EVL: variants seen among roughly 807,000 people sequenced by gnomAD.
EVL encodes ena/VASP-like protein.
EVL carries 21 observed loss-of-function variants against 59.6 expected under a neutral mutation model. That is an observed-to-expected ratio of 0.35 (90% CI 0.25 to 0.51). The LOEUF is 0.51. Ranked by LOEUF, EVL falls within the 20% of genes least tolerant of loss-of-function variation. EVL has a pLI of 0.97. For synonymous variants in EVL, 198 were observed against 203.5 expected (o/e 0.97, Z 0.23); for missense variants, 462 against 546.6 (o/e 0.85, Z 1.54).
intron 4 of EVL, 76 bp from the exon 5 acceptor site, chr14:100,126,631 G>T: frequency 6.6e-7 from 1 of 1,508,238 alleles, no homozygotes; most frequent in Non-Finnish European, 9.1e-7. Flanking sequence ...CGGGGCCGGC[G>T]GGTACAGCAC....
At chr14:100,088,497 G>T (rs1199256495) in intron 2 of EVL, among the ~76,000 whole-genome samples, 1 of 152,134 alleles carries the variant, frequency 6.6e-6, no homozygotes, top group African/African-American at 2.4e-5. Context: ...TAGGCTGTAT[G>T]GTATAGCCTG....
chr14:100,038,755 G>T (rs574789607), intron 1 of EVL, among the ~76,000 whole-genome samples: 105 of 132,096 alleles, frequency 7.9e-4, no homozygotes, highest in African/African-American at 2.7e-3. Context: ...TTAGTACCCT[G>T]TGTGCTGTGC....
intron 5 of EVL, among the ~76,000 whole-genome samples, chr14:100,128,125 G>A (rs1888197099): frequency 6.6e-6 from 1 of 152,188 alleles, no homozygotes; most frequent in African/African-American, 2.4e-5. Context: ...GTTGGATCTT[G>A]GTGACCAACT....
intron 1 of EVL, among the ~76,000 whole-genome samples, chr14:100,013,267 A>G (rs893200226): frequency 5.3e-5 from 8 of 152,224 alleles, no homozygotes; most frequent in African/African-American, 1.9e-4. Flanking sequence ...AAAAATGGTT[A>G]TTGATTGTGA....
chr14:100,047,657 C>G (rs1047829436), intron 1 of EVL, among the ~76,000 whole-genome samples: 3 of 152,150 alleles, frequency 2.0e-5, no homozygotes, highest in Non-Finnish European at 4.4e-5. Context: ...CTAAATATTT[C>G]ATTTGTGTAG....
chr14:100,137,420 A>G (rs934391707), intron 9 of EVL, 158 bp from the exon 10 acceptor site: 1 of 690,550 alleles, frequency 1.4e-6, no homozygotes, highest in African/African-American at 1.8e-5. Flanking sequence ...ACTGAGAACA[A>G]GGTGCCAGGT....
At chr14:100,006,649 G>A (rs2060984003) in intron 1 of EVL, among the ~76,000 whole-genome samples, 1 of 151,906 alleles carries the variant, frequency 6.6e-6, no homozygotes, top group African/African-American at 2.4e-5. Flanking sequence ...CCTATGGATG[G>A]GTCTCAGTCT....
At chr14:100,135,390 AATCAGTGG>A (rs1888715758) in intron 8 of EVL, 1 of 153,196 alleles carries the variant, frequency 6.5e-6, no homozygotes. Flanking sequence ...CTTATTACTT[AATCAGTGG>A]CATGTTCCTG....
intron 1 of EVL, among the ~76,000 whole-genome samples, chr14:100,004,622 GA>G (rs2060966993): frequency 6.6e-6 from 1 of 151,936 alleles, no homozygotes; most frequent in African/African-American, 2.4e-5. Context: ...TGGACTTCCC[GA>G]ATGTCCCTCT....
chr14:100,086,016 C>T (rs1385601172), intron 2 of EVL, among the ~76,000 whole-genome samples: 1 of 152,094 alleles, frequency 6.6e-6, no homozygotes, highest in Non-Finnish European at 1.5e-5. Flanking sequence ...GTAGTCCCAG[C>T]TACTTGTGAG....
intron 1 of EVL, among the ~76,000 whole-genome samples, chr14:100,015,223 C>T (rs1014697754): frequency 6.6e-6 from 1 of 152,204 alleles, no homozygotes; most frequent in African/African-American, 2.4e-5. Flanking sequence ...AGATTCAGTA[C>T]TAACAAATCA....
At chr14:99,999,675 T>C (rs2060933914) in intron 1 of EVL, among the ~76,000 whole-genome samples, 1 of 152,206 alleles carries the variant, frequency 6.6e-6, no homozygotes, top group Admixed American at 6.5e-5. Flanking sequence ...CCTTTATTTA[T>C]GGGTGGTGGT....
chr14:100,018,499 A>G lies in EVL; in HGVS notation c.5+46442A>G, dbSNP rs1283767644. 2.6e-5 allele frequency among the ~76,000 whole-genome samples: 4 copies of G among 152,228 alleles called. No individual in the cohort carries two copies. The East Asian group carries it at 7.7e-4, about 29-fold the overall frequency. On this transcript the variant is annotated intron_variant, in intron 1 of 13. Transcript: ENST00000402714. ...TAATGCAGGGTTAAACAGAGGCATC[A>G]AAATCAGAATTGGTAACTGGTTTTC...
chr14:100,136,036 G>C, intron 9 of EVL, 68 bp downstream of exon 9: 1 of 1,554,384 alleles, frequency 6.4e-7, no homozygotes, highest in South Asian at 1.1e-5. Flanking sequence ...GGACCCTTCG[G>C]ACAGGACCCT....
At chr14:100,067,212 G>A (rs548616695) in intron 1 of EVL, among the ~76,000 whole-genome samples, 1 of 152,366 alleles carries the variant, frequency 6.6e-6, no homozygotes, top group African/African-American at 2.4e-5. Flanking sequence ...TGCAAGGTCA[G>A]CAGCCATAGG....
At chr14:100,092,501 G>A (rs761443995) in intron 2 of EVL, among the ~76,000 whole-genome samples, 17 of 152,280 alleles carry the variant, frequency 1.1e-4, no homozygotes, top group South Asian at 4.1e-4. Context: ...TTGGGAGACC[G>A]AGGTGGGCAG....
chr14:100,091,746 A>T lies in EVL; in HGVS notation c.181-5735A>T, dbSNP rs1359230032. Among the ~76,000 whole-genome samples, 3 of 152,164 alleles carry T rather than the reference A, an allele frequency of 2.0e-5. No homozygotes were observed. In the East Asian group the frequency reaches 5.8e-4, roughly 29 times the overall value. ...CAAGGCAGGGGTCATGATAACCATG[A>T]TTTATAGCCCGTGGGTCGGAAGCAC... On this transcript the variant is annotated intron_variant, in intron 2 of 13. Transcript: ENST00000392920.
At position 100,143,919 on chromosome 14, in the gene EVL, T is replaced by C; in HGVS notation, c.*181T>C. On this transcript the variant is annotated 3_prime_UTR_variant, in exon 14 of 14. Coordinates refer to ENST00000392920, the MANE Select transcript of EVL (RefSeq NM_016337.3). ...AGGAAACCAAGTGCAACTCCTGGGT[T>C]TTTTTAGATTCTGCCTGACACGGAA... 1.6e-6 allele frequency: 1 copy of C among 643,684 alleles called. No homozygotes were observed. Among genetic ancestry groups the C allele is most frequent in the South Asian group, 2.1e-5 (1 of 47,046 alleles). 39.9% of individuals were successfully genotyped at this position (643,684 alleles called of 1,614,324 possible). A position where few individuals can be genotyped will look rare whatever the true frequency, so the allele number is the denominator to read the frequency against.
chr14:99,993,685 C>CTTTTTTTTTTTTTT (rs532512303), intron 1 of EVL, among the ~76,000 whole-genome samples: 8 of 78,264 alleles, frequency 1.0e-4, no homozygotes, highest in South Asian at 4.3e-4. Context: ...TTCTTTCTTT[C>CTTTTTTTTTTTTTT]TTTTTTTTTT....
Sources: gnomAD v4.1 joint callset for allele counts (sites outside exome capture counted in the v4.1 genomes callset) on GRCh38, gnomAD v4.1.1 for gene constraint, MANE v1.5 for transcripts, NCBI Gene and HGNC (gene_info 2026-07-23, HGNC 2026-07-21) for gene names.